The following TMEM132D variants were observed in gnomAD, a reference collection of about 807,000 sequenced individuals.
TMEM132D encodes the protein mature OL transmembrane protein.
Under a neutral mutation model 62.3 loss-of-function variants are expected in TMEM132D, and 21 were observed. The observed-to-expected ratio is 0.34, with a 90% CI of 0.24 to 0.49. The LOEUF is 0.49. TMEM132D is among the 20% of genes least tolerant of loss of function. TMEM132D has a pLI of 0.99. For missense variants in TMEM132D, 1,346 were observed against 1,402.8 expected, an observed-to-expected ratio of 0.96 and a Z score of 0.65; for synonymous variants, 621 against 575.6, an observed-to-expected ratio of 1.08 and a Z score of -1.13.
chr12:129,331,552 A>G (rs942563754), intron 4 of TMEM132D, among the ~76,000 whole-genome samples: 5 of 152,214 alleles, frequency 3.3e-5, no homozygotes, highest in Non-Finnish European at 7.3e-5. Context: ...GGGAGGGCAC[A>G]TTCTTAAAAT....
chr12:129,421,940 A>G (rs893924368), intron 3 of TMEM132D, among the ~76,000 whole-genome samples: 1 of 152,130 alleles, frequency 6.6e-6, no homozygotes, highest in Non-Finnish European at 1.5e-5. Flanking sequence ...TGTGTCTACC[A>G]AAGTGAAGGT....
At chr12:129,418,884 C>T (rs1322204577) in intron 3 of TMEM132D, among the ~76,000 whole-genome samples, 6 of 152,068 alleles carry the variant, frequency 3.9e-5, no homozygotes, top group Non-Finnish European at 7.4e-5. Flanking sequence ...GATAGAGACA[C>T]AGGGCAGAGG....
chr12:129,523,351 C>A (rs1259072374), intron 3 of TMEM132D, among the ~76,000 whole-genome samples: 1 of 152,138 alleles, frequency 6.6e-6, no homozygotes, highest in Non-Finnish European at 1.5e-5. Context: ...CAAACATGAG[C>A]CATGATCTAC....
chr12:129,791,676 G>A (rs1418943077), intron 1 of TMEM132D, among the ~76,000 whole-genome samples: 3 of 152,074 alleles, frequency 2.0e-5, no homozygotes, highest in East Asian at 1.9e-4. Flanking sequence ...TCACCAATCC[G>A]CGCTTCTCCA....
chr12:129,732,074 C>G (rs1869267177), intron 1 of TMEM132D, among the ~76,000 whole-genome samples: 1 of 152,058 alleles, frequency 6.6e-6, no homozygotes, highest in African/African-American at 2.4e-5. Context: ...AATTCGTAGA[C>G]TCCTGTAGAA....
At chr12:129,790,691 T>C (rs1459142037) in intron 1 of TMEM132D, among the ~76,000 whole-genome samples, 1 of 152,182 alleles carries the variant, frequency 6.6e-6, no homozygotes, top group Non-Finnish European at 1.5e-5. Context: ...CAGGAATGCA[T>C]GTTCCCACTT....
chr12:129,878,271 T>C (rs1251067965), intron 1 of TMEM132D, among the ~76,000 whole-genome samples: 2 of 152,220 alleles, frequency 1.3e-5, no homozygotes, highest in African/African-American at 4.8e-5. Context: ...TCGACCTTCC[T>C]TTCCTGAAAT....
At chr12:129,610,295 G>A (rs928063777) in intron 2 of TMEM132D, among the ~76,000 whole-genome samples, 1 of 143,580 alleles carries the variant, frequency 7.0e-6, no homozygotes, top group African/African-American at 2.6e-5. Flanking sequence ...AAAAAAAAAA[G>A]AGAGACAGAG....
intron 4 of TMEM132D, among the ~76,000 whole-genome samples, chr12:129,256,944 A>G (rs1233708282): frequency 6.6e-6 from 1 of 152,124 alleles, no homozygotes; most frequent in Non-Finnish European, 1.5e-5. Context: ...CAATTTCTTG[A>G]GCAGATTCTT....
intron 2 of TMEM132D, among the ~76,000 whole-genome samples, chr12:129,643,403 C>G (rs1037080187): frequency 6.6e-6 from 1 of 152,182 alleles, no homozygotes; most frequent in East Asian, 1.9e-4. Flanking sequence ...GGAACACAGC[C>G]GTGCCTATGT....
intron 5 of TMEM132D, among the ~76,000 whole-genome samples, chr12:129,091,894 T>A (rs918435595): frequency 2.6e-5 from 4 of 152,220 alleles, no homozygotes; most frequent in Non-Finnish European, 5.9e-5. Context: ...CCTTCATAGC[T>A]CTGTTCATTG....
At chr12:129,182,941 T>A (rs1403278243) in intron 5 of TMEM132D, among the ~76,000 whole-genome samples, 1 of 151,842 alleles carries the variant, frequency 6.6e-6, no homozygotes, top group Non-Finnish European at 1.5e-5. Flanking sequence ...GCTCATGGGG[T>A]GGTGGTTAGG....
intron 1 of TMEM132D, among the ~76,000 whole-genome samples, chr12:129,842,422 A>G (rs1398975755): frequency 6.6e-6 from 1 of 151,792 alleles, no homozygotes; most frequent in African/African-American, 2.4e-5. Context: ...TGTCTTGCCA[A>G]TCCTACTGAT....
intron 2 of TMEM132D, among the ~76,000 whole-genome samples, chr12:129,604,358 C>G (rs1440612004): frequency 6.6e-6 from 1 of 152,148 alleles, no homozygotes; most frequent in Non-Finnish European, 1.5e-5. Context: ...ATTCCATTGT[C>G]TGGATGCACC....
chr12:129,602,833 TCA>T (rs1340490815), intron 2 of TMEM132D, among the ~76,000 whole-genome samples: 1 of 152,188 alleles, frequency 6.6e-6, no homozygotes, highest in African/African-American at 2.4e-5. Context: ...TTCAATTGAT[TCA>T]CAGTTATGCA....
chr12:129,619,007 T>C (rs569645237), intron 2 of TMEM132D, among the ~76,000 whole-genome samples: 29 of 152,272 alleles, frequency 1.9e-4, no homozygotes, highest in African/African-American at 6.5e-4. Context: ...AAGGAATAAC[T>C]GGGTTGAGAT....
rs71082736 is a variant in TMEM132D at position 129,575,754 on chromosome 12, A to AT, written c.969-44550dup. 4.4e-3 allele frequency among the ~76,000 whole-genome samples: 61 copies of AT among 13,972 alleles called. 30 individuals carry two copies. The highest frequency in any genetic ancestry group is 0.019 in the African/African-American group (57 of 2,930). 9.2% of individuals were successfully genotyped at this position (13,972 alleles called of 152,430 possible). ...TTCAATTATGTCTGCAGATAGATAC[A>AT]TTTTTTTTTTTTTTTTTTTTTTTTT... On this transcript the variant is annotated intron_variant, in intron 2 of 8. Transcript: ENST00000422113.
At chr12:129,531,306 G>T in intron 2 of TMEM132D, 101 bp from the exon 3 acceptor site, 1 of 1,377,206 alleles carries the variant, frequency 7.3e-7, no homozygotes, top group South Asian at 1.6e-5. Flanking sequence ...CCGTTGCCTG[G>T]CAGGTGTAAG....
intron 3 of TMEM132D, among the ~76,000 whole-genome samples, chr12:129,510,010 G>A (rs1875452053): frequency 6.6e-6 from 1 of 152,092 alleles, no homozygotes; most frequent in Non-Finnish European, 1.5e-5. Context: ...TGGGTCTTAT[G>A]GTAGCTCTAG....
Sources: gnomAD v4.1 joint callset for allele counts (sites outside exome capture counted in the v4.1 genomes callset) on GRCh38, gnomAD v4.1.1 for gene constraint, MANE v1.5 for transcripts, NCBI Gene and HGNC (gene_info 2026-07-23, HGNC 2026-07-21) for gene names.